The following ELMO2 variants were observed in gnomAD, a reference collection of about 807,000 sequenced individuals.
ELMO2 encodes the protein engulfment and cell motility protein 2.
In ELMO2, 37 loss-of-function variants were observed where a neutral mutation model predicts 96.2. The observed-to-expected ratio is 0.38, with a 90% CI of 0.30 to 0.51. The LOEUF is 0.51. Among genes scored for constraint, ELMO2 ranks in the 20% least tolerant of loss-of-function variants. The pLI, the probability that ELMO2 is intolerant of heterozygous loss-of-function variation, is 0.88. For missense variants in ELMO2, 561 were observed against 912.6 expected, an observed-to-expected ratio of 0.61 and a Z score of 4.96; for synonymous variants, 315 against 329.4, an observed-to-expected ratio of 0.96 and a Z score of 0.47.
intron 2 of ELMO2, among the ~76,000 whole-genome samples, chr20:46,395,382 G>A (rs1159971453): frequency 1.3e-5 from 2 of 152,188 alleles, no homozygotes; most frequent in African/African-American, 4.8e-5. Flanking sequence ...AAGGTCTGAC[G>A]AAGGGAAGTC....
chr20:46,379,875 T>G, intron 11 of ELMO2: 1 of 165,310 alleles, frequency 6.0e-6, no homozygotes, highest in South Asian at 1.6e-4. Flanking sequence ...ATACACTTGC[T>G]TACTTAGTTC....
intron 11 of ELMO2, among the ~76,000 whole-genome samples, chr20:46,379,293 C>A (rs1201622667): frequency 6.6e-6 from 1 of 152,006 alleles, no homozygotes; most frequent in Non-Finnish European, 1.5e-5. Flanking sequence ...CACGTCCGGC[C>A]AAAGTTGCCT....
At chr20:46,368,603 C>G (rs1168482360) in intron 21 of ELMO2, among the ~76,000 whole-genome samples, 2 of 152,184 alleles carry the variant, frequency 1.3e-5, no homozygotes, top group Non-Finnish European at 2.9e-5. Context: ...ATAAACAATC[C>G]AGAGTGTGAC....
chr20:46,368,082 C>T (rs1010930399), intron 21 of ELMO2, among the ~76,000 whole-genome samples: 8 of 152,100 alleles, frequency 5.3e-5, no homozygotes, highest in South Asian at 2.1e-4. Flanking sequence ...CTGATCCCAC[C>T]GCTCCCTGAC....
Position 46,374,546 on chromosome 20 carries a change from G to C in ELMO2, c.1160C>G (p.Thr387Ser), listed in dbSNP as rs369112036. The C allele has an allele frequency of 6.2e-7, 1 of 1,614,172 alleles. No homozygotes were observed. Among genetic ancestry groups the C allele is most frequent in the Non-Finnish European group, 8.5e-7 (1 of 1,180,002 alleles). ...MLYLAKVHQD[T>S]YIRIVLENSS... ...CTCCCCTGCCTTTACCCGGATGTAG[G>C]TGTCCTGGTGGACTTTAGCCAAGTA... The change falls in exon 14 of 22, where the codon ACC (threonine) becomes AGC (serine). Residue 387 changes from threonine (T) to serine (S), a missense_variant. Transcript: ENST00000290246.
intron 20 of ELMO2, 74 bp from the exon 21 acceptor site, chr20:46,369,042 C>T (rs2059641691): frequency 3.6e-6 from 5 of 1,380,650 alleles, no homozygotes; most frequent in Non-Finnish European, 5.1e-6. Flanking sequence ...GGCCAAAGTC[C>T]TAGTGACTCG....
chr20:46,404,258 C>T (rs375311036), intron 1 of ELMO2, among the ~76,000 whole-genome samples: 2 of 152,318 alleles, frequency 1.3e-5, no homozygotes, highest in East Asian at 3.9e-4. Context: ...TTTTCTTCAA[C>T]TGCATCAAAT....
rs764704346 is a variant in ELMO2, at chr20:46,387,451, A to C, written c.426-14T>G. On this transcript the variant is annotated splice_polypyrimidine_tract_variant and intron_variant, in intron 7 of 21. Transcript: ENST00000290246. Reference sequence around the variant, plus strand: ...ATCTCACTGTAGCTGAGACACGTGCAACACACACACAAAATAGACAAAGAT... The same window carrying C: ...ATCTCACTGTAGCTGAGACACGTGCCACACACACACAAAATAGACAAAGAT... The C allele has an allele frequency of 1.9e-6, 3 of 1,601,786 alleles. No homozygotes were observed. Among genetic ancestry groups the C allele is most frequent in the Non-Finnish European group, 8.6e-7 (1 of 1,169,014 alleles).
chr20:46,385,744 G>A (rs2060030167), intron 9 of ELMO2, among the ~76,000 whole-genome samples: 1 of 152,200 alleles, frequency 6.6e-6, no homozygotes, highest in Non-Finnish European at 1.5e-5. Flanking sequence ...TCTGTTTCAA[G>A]GGGGCTCTAT....
Position 46,394,536 on chromosome 20 carries a change from G to A in ELMO2, c.-50-4C>T, listed in dbSNP as rs1197839209. The A allele has an allele frequency of 1.9e-5, 30 of 1,575,172 alleles. No homozygotes were observed. Among genetic ancestry groups the A allele is most frequent in the Non-Finnish European group, 2.4e-5 (28 of 1,144,814 alleles). ...ACAAAAACACAGACACGGCTGCCTG[G>A]GGAGAAAGAATCAGAAAGGTGGAAA... On this transcript the variant is annotated splice_polypyrimidine_tract_variant and splice_region_variant and intron_variant, in intron 2 of 21. Transcript: ENST00000290246.
chr20:46,370,367 A>G (rs776374433), intron 20 of ELMO2, 76 bp downstream of exon 20: 1 of 1,303,664 alleles, frequency 7.7e-7, no homozygotes, highest in Non-Finnish European at 1.1e-6. Context: ...CCAAGAATGC[A>G]CCTGGAAAAA....
intron 1 of ELMO2, among the ~76,000 whole-genome samples, chr20:46,398,991 C>T (rs1373737523): frequency 2.0e-5 from 3 of 152,074 alleles, no homozygotes; most frequent in Non-Finnish European, 4.4e-5. Flanking sequence ...TCATTTAATC[C>T]ACACAGCAAT....
At chr20:46,379,078 C>T (rs2059910921) in intron 11 of ELMO2, among the ~76,000 whole-genome samples, 2 of 152,046 alleles carry the variant, frequency 1.3e-5, no homozygotes, top group African/African-American at 4.8e-5. Context: ...CTGCAACCTC[C>T]ACCTCCCGGG....
intron 8 of ELMO2, 66 bp from the exon 9 acceptor site, chr20:46,386,341 T>C: frequency 6.3e-7 from 1 of 1,584,876 alleles, no homozygotes; most frequent in Non-Finnish European, 8.6e-7. Context: ...GCTTAGCATC[T>C]GATGCTAGCC....
At position 46,387,377 on chromosome 20, in the gene ELMO2, A is replaced by G. The variant is rs2060065640; in HGVS notation, c.486T>C (p.Ile162=). The change falls in exon 8 of 22, where the codon ATT becomes ATC. Residue 162 remains isoleucine (I), a synonymous_variant. Coordinates refer to ENST00000290246, the MANE Select transcript of ELMO2 (RefSeq NM_133171.5). ...TAFLELMDHG[I]VSWDMVSITF... ...TGATTGAAACCATGTCCCAGGAGAC[A>G]ATGCCATGGTCCATGAGCTCTAGGA... The G allele has an allele frequency of 3.7e-6, 6 of 1,614,178 alleles. No individual in the cohort carries two copies. The highest frequency in any genetic ancestry group is 3.4e-6 in the Non-Finnish European group (4 of 1,180,020).
At chr20:46,377,355 T>A (rs2059880590) in intron 11 of ELMO2, among the ~76,000 whole-genome samples, 1 of 152,216 alleles carries the variant, frequency 6.6e-6, no homozygotes, top group African/African-American at 2.4e-5. Context: ...ATGTCCCTAT[T>A]CCTTTTTCAT....
intron 6 of ELMO2, among the ~76,000 whole-genome samples, chr20:46,390,542 T>C (rs895716104): frequency 2.7e-4 from 41 of 152,228 alleles, no homozygotes; most frequent in African/African-American, 9.9e-4. Context: ...CCTAGCAGGA[T>C]GCCTGCCTCC....
chr20:46,394,384 C>T (rs1212006518), intron 3 of ELMO2, 21 bp downstream of exon 3: 6 of 1,613,776 alleles, frequency 3.7e-6, no homozygotes, highest in Non-Finnish European at 5.1e-6. Context: ...TGAACCACTG[C>T]TTCTCACTTC....
At chr20:46,380,156 C>T (rs2059930271) in intron 11 of ELMO2, 97 bp downstream of exon 11, 17 of 1,053,530 alleles carry the variant, frequency 1.6e-5, no homozygotes, top group Non-Finnish European at 2.3e-5. Context: ...TCTGTGTGTC[C>T]TCCTCACTCA....
Sources: allele counts gnomAD v4.1 joint callset (sites outside exome capture counted in the v4.1 genomes callset), GRCh38; gene constraint gnomAD v4.1.1; transcripts MANE v1.5; gene names NCBI Gene and HGNC (gene_info 2026-07-23, HGNC 2026-07-21).